The following ARHGAP26 variants were observed in gnomAD, a reference collection of about 807,000 sequenced individuals.
ARHGAP26 encodes the protein rho GTPase-activating protein 26.
Under a neutral mutation model 104.8 loss-of-function variants are expected in ARHGAP26, and 38 were observed. That is an observed-to-expected ratio of 0.36 (90% CI 0.28 to 0.48). The LOEUF is 0.48. ARHGAP26 is among the 20% of genes least tolerant of loss of function. The pLI, the probability that ARHGAP26 is intolerant of heterozygous loss-of-function variation, is 0.99. For missense variants in ARHGAP26, 704 were observed against 947.9 expected (o/e 0.74, Z 3.38); for synonymous variants, 341 against 340.0 (o/e 1.00, Z -0.03).
chr5:143,151,435 G>T (rs1040800702), intron 20 of ARHGAP26, among the ~76,000 whole-genome samples: 2 of 152,206 alleles, frequency 1.3e-5, no homozygotes, highest in Non-Finnish European at 2.9e-5. Context: ...TTACCCAAAT[G>T]AGTTGAAATT....
At chr5:143,078,879 C>G (rs940117470) in intron 17 of ARHGAP26, among the ~76,000 whole-genome samples, 8 of 152,170 alleles carry the variant, frequency 5.3e-5, no homozygotes, top group African/African-American at 1.9e-4. Flanking sequence ...CTGGTGAAAC[C>G]GGTGGTTATG....
chr5:142,904,639 T>C (rs1021082582), intron 8 of ARHGAP26, among the ~76,000 whole-genome samples: 18 of 152,222 alleles, frequency 1.2e-4, no homozygotes, highest in African/African-American at 4.1e-4. Context: ...TCATGCCTTA[T>C]GGCTGGGGAA....
chr5:142,880,587 GAGA>G (rs1465127390), intron 4 of ARHGAP26, among the ~76,000 whole-genome samples: 6 of 152,004 alleles, frequency 3.9e-5, no homozygotes, highest in Admixed American at 3.3e-4. Flanking sequence ...GCTACCTGCA[GAGA>G]AGATGTTTTC....
intron 17 of ARHGAP26, among the ~76,000 whole-genome samples, chr5:143,071,768 G>C (rs1218863623): frequency 6.6e-6 from 1 of 152,144 alleles, no homozygotes; most frequent in Non-Finnish European, 1.5e-5. Flanking sequence ...GCCAGGCGTG[G>C]TGGCATGCGC....
At chr5:143,078,747 T>G (rs914395785) in intron 17 of ARHGAP26, among the ~76,000 whole-genome samples, 1 of 152,236 alleles carries the variant, frequency 6.6e-6, no homozygotes, top group Non-Finnish European at 1.5e-5. Flanking sequence ...AGCTGGCCTG[T>G]GTCCAACTGT....
intron 11 of ARHGAP26, among the ~76,000 whole-genome samples, chr5:142,935,533 A>G (rs1404311806): frequency 6.6e-6 from 1 of 152,228 alleles, no homozygotes; most frequent in African/African-American, 2.4e-5. Context: ...TGGGCCATAC[A>G]TAGTTTGTTG....
rs145934808 is a variant in ARHGAP26 at position 143,196,955 on chromosome 5, TAATG to T, written c.1989-10241_1989-10238del. 3.4e-3 allele frequency among the ~76,000 whole-genome samples: 524 copies of T among 152,316 alleles called. 3 individuals carry two copies. The highest frequency in any genetic ancestry group is 0.012 in the African/African-American group (506 of 41,568). ...AATTTGCAAATAAGGAATATGGAAA[TAATG>T]AGGATAGACTGTATATATCCCTAAA... On this transcript the variant is annotated intron_variant, in intron 20 of 22. Coordinates refer to ENST00000645722, the MANE Select transcript of ARHGAP26 (RefSeq NM_001135608.3).
At chr5:143,020,841 C>T (rs1439148624) in intron 12 of ARHGAP26, among the ~76,000 whole-genome samples, 6 of 151,958 alleles carry the variant, frequency 3.9e-5, no homozygotes, top group Admixed American at 2.0e-4. Flanking sequence ...AGGGTTTCAC[C>T]GTGTTAGCCA....
chr5:143,087,100 A>G (rs903276017), intron 17 of ARHGAP26, among the ~76,000 whole-genome samples: 1 of 152,200 alleles, frequency 6.6e-6, no homozygotes, highest in Non-Finnish European at 1.5e-5. Flanking sequence ...CAAATATACT[A>G]TGCCTTAAGA....
chr5:142,967,826 T>C (rs1162906111), intron 11 of ARHGAP26, among the ~76,000 whole-genome samples: 1 of 152,084 alleles, frequency 6.6e-6, no homozygotes, highest in Non-Finnish European at 1.5e-5. Context: ...GAAAGGGTGG[T>C]GCACGGATAT....
At chr5:143,211,014 T>C (rs78120786) in intron 21 of ARHGAP26, among the ~76,000 whole-genome samples, 2,296 of 152,288 alleles carry the variant, frequency 0.015, 57 homozygotes, top group African/African-American at 0.053. Flanking sequence ...ATTTTATTTT[T>C]TTATCAGAGC....
chr5:142,872,837 G>T (rs1435119969), intron 1 of ARHGAP26, among the ~76,000 whole-genome samples: 2 of 152,214 alleles, frequency 1.3e-5, no homozygotes, highest in Non-Finnish European at 2.9e-5. Flanking sequence ...GGAGAGGGTT[G>T]TGAGAACCTG....
At chr5:142,923,750 A>G (rs1192202498) in intron 10 of ARHGAP26, among the ~76,000 whole-genome samples, 2 of 151,978 alleles carry the variant, frequency 1.3e-5, no homozygotes, top group African/African-American at 4.8e-5. Context: ...TACTTTTTAG[A>G]CTATTATTAT....
intron 22 of ARHGAP26, among the ~76,000 whole-genome samples, chr5:143,218,182 G>C (rs1810620399): frequency 6.6e-6 from 1 of 152,210 alleles, no homozygotes; most frequent in Non-Finnish European, 1.5e-5. Flanking sequence ...CTCTCACTAT[G>C]AGGCCCTTTA....
intron 15 of ARHGAP26, among the ~76,000 whole-genome samples, chr5:143,055,598 C>T (rs1479359977): frequency 6.6e-6 from 1 of 152,206 alleles, no homozygotes. Context: ...TTCACCACCA[C>T]AACACCTACA....
At chr5:143,185,266 A>G (rs927091246) in intron 20 of ARHGAP26, among the ~76,000 whole-genome samples, 7 of 152,232 alleles carry the variant, frequency 4.6e-5, no homozygotes, top group South Asian at 2.1e-4. Flanking sequence ...GAAAGGTTCT[A>G]AAATAGTCAC....
At chr5:143,018,901 A>G (rs1266063128) in intron 12 of ARHGAP26, among the ~76,000 whole-genome samples, 2 of 152,210 alleles carry the variant, frequency 1.3e-5, no homozygotes, top group Non-Finnish European at 2.9e-5. Context: ...GCATTGAATC[A>G]TACAGGTTAT....
intron 1 of ARHGAP26, among the ~76,000 whole-genome samples, chr5:142,775,698 G>A (rs1382763015): frequency 6.6e-6 from 1 of 151,978 alleles, no homozygotes; most frequent in Non-Finnish European, 1.5e-5. Context: ...TACCTATTCT[G>A]TGTACTTCTT....
chr5:143,087,444 CT>C (rs1011830794), intron 17 of ARHGAP26, among the ~76,000 whole-genome samples: 12 of 152,048 alleles, frequency 7.9e-5, no homozygotes, highest in African/African-American at 1.2e-4. Flanking sequence ...CCTCCTAACC[CT>C]TTTGTTTACT....
Sources: gnomAD v4.1 joint callset for allele counts (sites outside exome capture counted in the v4.1 genomes callset) on GRCh38, gnomAD v4.1.1 for gene constraint, MANE v1.5 for transcripts, NCBI Gene and HGNC (gene_info 2026-07-23, HGNC 2026-07-21) for gene names.